Variants in ANAPC11 observed in about 807,000 individuals in gnomAD.
ANAPC11 encodes the protein anaphase-promoting complex subunit 11.
In ANAPC11, 5 loss-of-function variants were observed where a neutral mutation model predicts 11.8. The ratio of observed to expected loss-of-function variants is 0.42; its 90% CI spans 0.22 to 0.89. The LOEUF (loss-of-function observed/expected upper bound fraction) is 0.89, where lower values mean the gene tolerates loss of function less well. Ranked by LOEUF, ANAPC11 falls within the 40% of genes least tolerant of loss-of-function variation. ANAPC11 has a pLI of 0.28. For synonymous variants in ANAPC11, 45 were observed against 41.0 expected (o/e 1.10, Z -0.38); for missense variants, 68 against 112.9 (o/e 0.60, Z 1.80).
intron 1 of ANAPC11, 75 bp from the exon 2 acceptor site, chr17:81,893,474 CCCT>C (rs1325891587): frequency 6.6e-6 from 1 of 152,150 alleles, no homozygotes; most frequent in Non-Finnish European, 1.5e-5. Flanking sequence ...AAGTGATCCA[CCCT>C]CCTCGGCCTC....
upstream of ANAPC11, chr17:81,891,272 GC>G (rs2039523203): frequency 9.2e-7 from 1 of 1,085,450 alleles, no homozygotes. Context: ...CCCGGCCCCA[GC>G]CCCGGCTGGC....
In ANAPC11 at chr17:81,895,050, C is replaced by CTTTTTTT. The variant is rs766422017; in HGVS notation, c.109+479_109+485dup. Among the ~76,000 whole-genome samples, 69 of 85,050 alleles carry CTTTTTTT rather than the reference C, an allele frequency of 8.1e-4. 2 individuals carry two copies. The highest frequency in any genetic ancestry group is 2.5e-3 in the African/African-American group (49 of 19,564). 55.8% of individuals were successfully genotyped at this position (85,050 alleles called of 152,430 possible). ...TTATTTTCTTTTCTTTCTTTCTTTT[C>CTTTTTTT]TTTTTTTTTTTTTTTTTTTTTGAGA... On this transcript the variant is annotated intron_variant, in intron 3 of 3. Transcript: ENST00000344877.
At chr17:81,894,050 G>A (rs1003441895) in intron 2 of ANAPC11, among the ~76,000 whole-genome samples, 32 of 151,942 alleles carry the variant, frequency 2.1e-4, no homozygotes, top group Non-Finnish European at 3.8e-4. Context: ...AGGCCGCAGT[G>A]GCAGATCGCT....
chr17:81,899,561 T>A (rs1395169735), intron 3 of ANAPC11: 3 of 1,606,676 alleles, frequency 1.9e-6, no homozygotes, highest in Non-Finnish European at 2.6e-6. Context: ...TTGCCCTTTT[T>A]CCCCAGCCTC....
intron 2 of ANAPC11, 113 bp downstream of exon 2, chr17:81,893,727 G>A (rs970950037): frequency 4.1e-5 from 6 of 148,148 alleles, no homozygotes; most frequent in African/African-American, 1.5e-4. Context: ...GATGGCTAAA[G>A]AAACCTCACA....
intron 3 of ANAPC11, chr17:81,899,065 A>C: frequency 1.5e-6 from 1 of 670,030 alleles, no homozygotes; most frequent in African/African-American, 1.8e-5. Context: ...CCAGGACAGG[A>C]GGGTGGCCAC....
chr17:81,893,919 C>A (rs1017985965), intron 2 of ANAPC11, among the ~76,000 whole-genome samples: 2 of 151,906 alleles, frequency 1.3e-5, no homozygotes, highest in African/African-American at 4.8e-5. Flanking sequence ...GCTGTTCTCC[C>A]GTAGCTCCCC....
intron 2 of ANAPC11, 109 bp from the exon 3 acceptor site, chr17:81,894,358 C>G: frequency 6.0e-6 from 3 of 501,810 alleles, no homozygotes; most frequent in Admixed American, 7.1e-5. Flanking sequence ...TGCCTTGGCC[C>G]CCTGAGTAGC....
intron 3 of ANAPC11, among the ~76,000 whole-genome samples, chr17:81,896,082 G>A (rs1334639915): frequency 6.6e-6 from 1 of 152,192 alleles, no homozygotes; most frequent in African/African-American, 2.4e-5. Context: ...CCAGGTGTTC[G>A]AGACCAGCCT....
rs1373903116 is a variant in ANAPC11, at chr17:81,900,097, C to T, written c.*32C>T. The T allele has an allele frequency of 2.1e-5, 34 of 1,610,750 alleles. No homozygotes were observed. Among genetic ancestry groups the T allele is most frequent in the Non-Finnish European group, 2.8e-5 (33 of 1,179,188 alleles). ...ACCTGGCTCTCGCTGGAGGGGCATC[C>T]TGAGACTCCTTCCTCATGCTGGCGC... On this transcript the variant is annotated 3_prime_UTR_variant, in exon 4 of 4. Coordinates refer to ENST00000344877, the MANE Select transcript of ANAPC11 (RefSeq NM_001002248.3).
At chr17:81,900,261 G>A (rs1208548688), downstream of ANAPC11, 3 of 819,742 alleles carry the variant, frequency 3.7e-6, no homozygotes, top group Non-Finnish European at 5.6e-6. Flanking sequence ...TCTTGCTGGA[G>A]GCCTCTGGGT....
At chr17:81,891,336 G>A, upstream of ANAPC11, 1 of 1,162,600 alleles carries the variant, frequency 8.6e-7, no homozygotes. Context: ...GCTGTAGGGC[G>A]CCGGTCGGTT....
At chr17:81,890,832 A>T (rs1242707558), upstream of ANAPC11, 4 of 1,613,808 alleles carry the variant, frequency 2.5e-6, no homozygotes, top group Non-Finnish European at 2.5e-6. Context: ...TGAAAAAAAA[A>T]CCGCAACAAG....
intron 1 of ANAPC11, chr17:81,893,012 CTT>C (rs576407517): frequency 1.8e-4 from 22 of 125,540 alleles, no homozygotes; most frequent in South Asian, 2.6e-4. Flanking sequence ...CCACAGCTGG[CTT>C]TTTTTTTTTT....
chr17:81,891,598 T>C, upstream of ANAPC11: 1 of 1,391,038 alleles, frequency 7.2e-7, no homozygotes, highest in Non-Finnish European at 9.4e-7. Context: ...AGCCCGCGCG[T>C]CAGCACGCCG....
rs1283989558 is a variant in ANAPC11, at chr17:81,900,041, C to T, written c.231C>T (p.Arg77=). The part of the protein sequence containing the change: ...QQVQQHCPMC[R]QEWKFKE Reference sequence around the variant, plus strand: ...TGCAGCAGCACTGCCCCATGTGCCGCCAGGAATGGAAGTTCAAGGAGTGAG... The same window carrying T: ...TGCAGCAGCACTGCCCCATGTGCCGTCAGGAATGGAAGTTCAAGGAGTGAG... The change falls in exon 4 of 4, where the codon CGC becomes CGT. Residue 77 remains arginine, a synonymous_variant. Transcript: ENST00000344877. 3.1e-6 allele frequency: 5 copies of T among 1,612,734 alleles called. No individual in the cohort carries two copies. Among genetic ancestry groups the T allele is most frequent in the Admixed American group, 1.7e-5 (1 of 59,968 alleles).
chr17:81,891,625 G>C (rs1013300884), upstream of ANAPC11: 30 of 1,331,354 alleles, frequency 2.3e-5, no homozygotes, highest in Middle Eastern at 1.0e-3. Context: ...CACTTCCGGC[G>C]CCGCGTGAGG....
chr17:81,900,408 C>G, downstream of ANAPC11: 3 of 359,316 alleles, frequency 8.3e-6, no homozygotes, highest in Non-Finnish European at 1.5e-5. Context: ...CAGGATCAGA[C>G]GGTAGAGCCT....
Position 81,900,071 on chromosome 17 carries a change from G to C in ANAPC11, c.*6G>C. 1.2e-6 allele frequency: 2 copies of C among 1,612,296 alleles called. No individual in the cohort carries two copies. The highest frequency in any genetic ancestry group is 1.7e-6 in the Non-Finnish European group (2 of 1,179,758). On this transcript the variant is annotated 3_prime_UTR_variant, in exon 4 of 4. Coordinates refer to ENST00000344877, the MANE Select transcript of ANAPC11 (RefSeq NM_001002248.3). ...AATGGAAGTTCAAGGAGTGAGGCCCGACCTGGCTCTCGCTGGAGGGGCATC... is the reference window on the plus strand; with the variant it reads ...AATGGAAGTTCAAGGAGTGAGGCCCCACCTGGCTCTCGCTGGAGGGGCATC...
Sources: allele counts gnomAD v4.1 joint callset (sites outside exome capture counted in the v4.1 genomes callset), GRCh38; gene constraint gnomAD v4.1.1; transcripts MANE v1.5; gene names NCBI Gene and HGNC (gene_info 2026-07-23, HGNC 2026-07-21).